Variants in AKTIP observed in about 807,000 individuals in gnomAD.
The protein encoded by AKTIP is AKT interacting protein.
Under a neutral mutation model 39.1 loss-of-function variants are expected in AKTIP, and 16 were observed. That is an observed-to-expected ratio of 0.41 (90% confidence interval 0.28 to 0.62). The LOEUF (loss-of-function observed/expected upper bound fraction) is 0.62. Among genes scored for constraint, AKTIP ranks in the 20% least tolerant of loss-of-function variants. The pLI is 0.32. For missense variants in AKTIP, 262 were observed against 356.6 expected (o/e 0.73, Z 2.14); for synonymous variants, 93 against 124.3 (o/e 0.75, Z 1.67).
chr16:53,498,258 C>G, intron 3 of AKTIP, 133 bp downstream of exon 3: 1 of 904,586 alleles, frequency 1.1e-6, no homozygotes, highest in Non-Finnish European at 1.7e-6. Flanking sequence ...TTTATTAAGT[C>G]TGATACTGGA....
At chr16:53,494,017 G>T in intron 8 of AKTIP, 121 bp downstream of exon 8, 2 of 730,516 alleles carry the variant, frequency 2.7e-6, no homozygotes, top group Non-Finnish European at 4.7e-6. Flanking sequence ...AGTTATAAAG[G>T]TTGTAGGCTA....
Position 53,498,476 on chromosome 16 carries a change from A to G in AKTIP, c.163T>C (p.Ser55Pro), listed in dbSNP as rs1437597313. 2 of 1,613,882 alleles carry G rather than the reference A, an allele frequency of 1.2e-6. No individual in the cohort carries two copies. Among genetic ancestry groups the G allele is most frequent in the Non-Finnish European group, 1.7e-6 (2 of 1,179,874 alleles). ...KNALPITKPT[S>P]PAPAAQSTNG... The stretch of plus-strand genomic sequence containing the variant: ...GTTGACTGTGCTGCTGGGGCAGGAG[A>G]TGTAGGCTTAGTTATGGGCAAAGCA... The change falls in exon 3 of 10, where the codon TCT (serine) becomes CCT (proline). Residue 55 changes from serine to proline, a missense_variant. This residue lies in a region of AKTIP where 88 missense variants were observed against 132.1 expected (regional missense o/e 0.67). Coordinates refer to ENST00000394657, the MANE Select transcript of AKTIP (RefSeq NM_022476.4).
chr16:53,503,470 A>T (rs1356642243), upstream of AKTIP, among the ~76,000 whole-genome samples: 1 of 152,140 alleles, frequency 6.6e-6, no homozygotes, highest in Non-Finnish European at 1.5e-5. Context: ...CCCTCCCCTT[A>T]CGTAACAGCG....
chr16:53,497,525 G>A (rs933393974), intron 3 of AKTIP, among the ~76,000 whole-genome samples: 1 of 152,148 alleles, frequency 6.6e-6, no homozygotes, highest in African/African-American at 2.4e-5. Flanking sequence ...TTCAACTGTG[G>A]ATCCCTAAGG....
At chr16:53,494,690 C>T (rs375895791) in intron 5 of AKTIP, 85 bp from the exon 6 acceptor site, 2 of 1,266,640 alleles carry the variant, frequency 1.6e-6, no homozygotes, top group Non-Finnish European at 1.1e-6. Context: ...AAAAGAGCTT[C>T]AGGACAAGGC....
intron 1 of AKTIP, among the ~76,000 whole-genome samples, 181 bp from the exon 2 acceptor site, chr16:53,500,510 T>G (rs995408252): frequency 2.2e-4 from 34 of 152,074 alleles, no homozygotes; most frequent in African/African-American, 8.0e-4. Context: ...CCTGAGTAGC[T>G]GGGATTACAG....
intron 2 of AKTIP, among the ~76,000 whole-genome samples, chr16:53,499,838 A>G (rs1962063942): frequency 6.6e-6 from 1 of 152,180 alleles, no homozygotes; most frequent in African/African-American, 2.4e-5. Flanking sequence ...CATTTTATTT[A>G]GAAAAATTAA....
At chr16:53,497,703 G>A (rs1292226185) in intron 3 of AKTIP, among the ~76,000 whole-genome samples, 4 of 152,218 alleles carry the variant, frequency 2.6e-5, no homozygotes, top group Admixed American at 6.5e-5. Context: ...TCCAGGAGGC[G>A]AATTCCTCAC....
chr16:53,498,758 T>G (rs1961992990), intron 2 of AKTIP, among the ~76,000 whole-genome samples, 162 bp from the exon 3 acceptor site: 1 of 152,200 alleles, frequency 6.6e-6, no homozygotes, highest in South Asian at 2.1e-4. Context: ...GCAGGTCATA[T>G]AAAGAGAAGA....
At chr16:53,499,975 C>G (rs1341012346) in intron 2 of AKTIP, among the ~76,000 whole-genome samples, 1 of 152,086 alleles carries the variant, frequency 6.6e-6, no homozygotes, top group Non-Finnish European at 1.5e-5. Flanking sequence ...TAAATATAAC[C>G]TAAATCATCT....
At chr16:53,492,948 T>TA (rs1961586253) in intron 8 of AKTIP, 195 bp from the exon 9 acceptor site, 1 of 571,038 alleles carries the variant, frequency 1.8e-6, no homozygotes, top group Admixed American at 3.0e-5. Flanking sequence ...TGATCTCATT[T>TA]AAGCCTCACA....
chr16:53,498,716 T>C (rs1360237709), intron 2 of AKTIP, 120 bp from the exon 3 acceptor site: 8 of 972,890 alleles, frequency 8.2e-6, no homozygotes, highest in East Asian at 2.5e-5. Flanking sequence ...TCTAACACCA[T>C]GACCAAGATG....
intron 1 of AKTIP, 56 bp from the exon 2 acceptor site, chr16:53,500,385 T>TC: frequency 8.1e-7 from 1 of 1,229,976 alleles, no homozygotes; most frequent in East Asian, 2.8e-5. Context: ...TTAAGACTTT[T>TC]TTTTTTTTTT....
At chr16:53,500,131 G>T in intron 2 of AKTIP, 87 bp downstream of exon 2, 1 of 1,013,000 alleles carries the variant, frequency 9.9e-7, no homozygotes, top group South Asian at 1.4e-5. Context: ...AGGTGACCGT[G>T]ACAGATTATT....
intron 5 of AKTIP, 27 bp downstream of exon 5, chr16:53,495,042 CAAAT>C (rs760954043): frequency 1.3e-6 from 2 of 1,591,972 alleles, no homozygotes; most frequent in South Asian, 2.2e-5. Context: ...CGCTGATCCA[CAAAT>C]AAAGCCAGAC....
Position 53,491,099 on chromosome 16 carries a change from A to G in AKTIP, c.*1313T>C, listed in dbSNP as rs1961416930. ...TTTTTTAAAATGTTAAAACCCCTATAGCCACCTTTTGGGAATGTTTTAAAT... is the reference window on the plus strand; with the variant it reads ...TTTTTTAAAATGTTAAAACCCCTATGGCCACCTTTTGGGAATGTTTTAAAT... On this transcript the variant is annotated 3_prime_UTR_variant, in exon 10 of 10. Transcript: ENST00000394657. The G allele has an allele frequency of 6.6e-6, 1 of 152,642 alleles. No homozygotes were observed. The highest frequency in any genetic ancestry group is 1.5e-5 in the Non-Finnish European group (1 of 68,040). 9.5% of individuals were successfully genotyped at this position (152,642 alleles called of 1,614,324 possible). A position where few individuals can be genotyped will look rare whatever the true frequency, so the allele number is the denominator to read the frequency against.
Position 53,498,304 on chromosome 16 carries a change from C to A in AKTIP, c.248+87G>T, listed in dbSNP as rs1598157367. Reference sequence around the variant, plus strand: ...TTTGAGCTTTGAGATTAAATGTCTGCCCTTTACTGCATCCATCAGAATAAA... The same window carrying A: ...TTTGAGCTTTGAGATTAAATGTCTGACCTTTACTGCATCCATCAGAATAAA... On this transcript the variant is annotated intron_variant, in intron 3 of 9. Transcript: ENST00000394657. 2.7e-5 allele frequency: 36 copies of A among 1,354,086 alleles called. No homozygotes were observed. The East Asian group carries it at 8.3e-4, about 31-fold the overall frequency. The allele number at this position is 1,354,086 out of a possible 1,614,324, so 83.9% of individuals were successfully genotyped here.
intron 9 of AKTIP, 35 bp from the exon 10 acceptor site, chr16:53,492,554 T>G: frequency 6.2e-7 from 1 of 1,611,516 alleles, no homozygotes; most frequent in South Asian, 1.1e-5. Context: ...ATTTAAAAAA[T>G]TACTGGTGAG....
In AKTIP at chr16:53,491,305, ATTGG is replaced by A. The variant is rs1014028696; in HGVS notation, c.*1103_*1106del. 3.3e-5 allele frequency: 5 copies of A among 152,190 alleles called. No homozygotes were observed. The highest frequency in any genetic ancestry group is 2.0e-4 in the Admixed American group (3 of 15,286). The allele number at this position is 152,190 out of a possible 1,614,324, so 9.4% of individuals were successfully genotyped here. ...TGGGTGTTCCTGGCAGTTTAAAAAA[ATTGG>A]TTGGAGAATTTAGGTTTTTATTAGT... is the stretch of plus-strand genomic sequence containing the variant. On this transcript the variant is annotated 3_prime_UTR_variant, in exon 10 of 10. Coordinates refer to ENST00000394657, the MANE Select transcript of AKTIP (RefSeq NM_022476.4).
Sources: gnomAD v4.1 joint callset for allele counts (sites outside exome capture counted in the v4.1 genomes callset) on GRCh38, gnomAD v4.1.1 for gene constraint, gnomAD v4.1.1 regional missense constraint, MANE v1.5 for transcripts, NCBI Gene and HGNC (gene_info 2026-07-23, HGNC 2026-07-21) for gene names.